CNKSR2: variants seen among roughly 807,000 people sequenced by gnomAD.
CNKSR2 encodes the protein CNK homolog protein 2.
CNKSR2 carries 14 observed loss-of-function variants against 84.4 expected under a neutral mutation model. The observed-to-expected ratio is 0.17, with a 90% CI of 0.11 to 0.26. The LOEUF is 0.26. Ranked by LOEUF, CNKSR2 falls within the 10% of genes least tolerant of loss-of-function variation. CNKSR2 has a pLI of 1.00. For synonymous variants in CNKSR2, 275 were observed against 277.9 expected (o/e 0.99, Z 0.10); for missense variants, 485 against 771.2 (o/e 0.63, Z 4.40).
intron 13 of CNKSR2, among the ~76,000 whole-genome samples, chrX:21,566,122 A>G (rs1569245826): frequency 9.0e-6 from 1 of 111,645 alleles, no homozygotes; most frequent in Non-Finnish European, 1.9e-5. Flanking sequence ...GACTTGAAAA[A>G]ACATGTGGCC....
At chrX:21,414,643 G>A (rs980933276) in intron 1 of CNKSR2, among the ~76,000 whole-genome samples, 13 of 111,717 alleles carry the variant, frequency 1.2e-4, no homozygotes, top group African/African-American at 4.2e-4. Context: ...GCCAAGACCA[G>A]TGTCCTGGAG....
intron 11 of CNKSR2, among the ~76,000 whole-genome samples, chrX:21,551,131 C>T (rs926018569): frequency 2.7e-5 from 3 of 110,651 alleles, no homozygotes; most frequent in Non-Finnish European, 3.8e-5. Context: ...AACCAAACAC[C>T]GCAGGTTCTC....
chrX:21,401,936 T>C (rs886341243), intron 1 of CNKSR2, among the ~76,000 whole-genome samples: 1 of 111,467 alleles, frequency 9.0e-6, no homozygotes, highest in African/African-American at 3.2e-5. Flanking sequence ...ATTTTAAAGA[T>C]GAAACAGATT....
At chrX:21,377,246 TTGAGA>T (rs1251292445) in intron 1 of CNKSR2, among the ~76,000 whole-genome samples, 1 of 112,101 alleles carries the variant, frequency 8.9e-6, no homozygotes, top group Non-Finnish European at 1.9e-5. Context: ...TATATTTGAT[TTGAGA>T]TATTATCAGA....
intron 4 of CNKSR2, among the ~76,000 whole-genome samples, chrX:21,464,571 G>A (rs2091102821): frequency 9.0e-6 from 1 of 111,305 alleles, no homozygotes; most frequent in Non-Finnish European, 1.9e-5. Context: ...ACAACTTTGC[G>A]GAGATTCCCA....
intron 13 of CNKSR2, among the ~76,000 whole-genome samples, chrX:21,575,883 A>G (rs2092316261): frequency 8.9e-6 from 1 of 112,436 alleles, no homozygotes; most frequent in Non-Finnish European, 1.9e-5. Flanking sequence ...TCAATTCACT[A>G]AGAAGACATG....
intron 3 of CNKSR2, among the ~76,000 whole-genome samples, chrX:21,438,818 T>G: frequency 9.0e-6 from 1 of 111,294 alleles, no homozygotes. Flanking sequence ...TATGTGAATA[T>G]TCATATTGAT....
chrX:21,630,451 T>C (rs1455786772), intron 20 of CNKSR2, among the ~76,000 whole-genome samples: 1 of 111,841 alleles, frequency 8.9e-6, no homozygotes, highest in African/African-American at 3.2e-5. Flanking sequence ...CTTTACGTAA[T>C]ATAAGTCATT....
intron 11 of CNKSR2, among the ~76,000 whole-genome samples, chrX:21,551,416 T>C (rs2092090926): frequency 8.9e-6 from 1 of 112,308 alleles, no homozygotes; most frequent in South Asian, 3.7e-4. Context: ...GGTATTCATA[T>C]GTAGATAAAA....
intron 2 of CNKSR2, chrX:21,427,479 A>G (rs1377088454): frequency 9.0e-6 from 1 of 111,450 alleles, no homozygotes; most frequent in Non-Finnish European, 1.9e-5. Context: ...TCTACATACC[A>G]TTATGAAATC....
intron 9 of CNKSR2, 49 bp from the exon 10 acceptor site, chrX:21,526,816 GTT>G: frequency 1.0e-6 from 1 of 972,210 alleles, no homozygotes. Flanking sequence ...TGTTGTTGTT[GTT>G]TTGTGTGTTG....
chrX:21,374,577 C>T lies in CNKSR2; in HGVS notation c.-321C>T. On this transcript the variant is annotated 5_prime_UTR_variant, in exon 1 of 22. Coordinates refer to ENST00000379510, the MANE Select transcript of CNKSR2 (RefSeq NM_014927.5). ...ACTGAAGCTCCCTAGGGACGGAGAC[C>T]GGAGCGGAGCGGCGGAGGCAGCAGC... The T allele has an allele frequency of 8.4e-6, 4 of 477,388 alleles. No individual in the cohort carries two copies. The highest frequency in any genetic ancestry group is 2.9e-5 in the Admixed American group (1 of 34,896). The allele number at this position is 477,388 out of a possible 1,213,427, so 39.3% of individuals were successfully genotyped here.
intron 20 of CNKSR2, chrX:21,642,761 C>G (rs1401142272): frequency 2.8e-6 from 2 of 703,486 alleles, no homozygotes; most frequent in African/African-American, 4.7e-5. Flanking sequence ...AAATAATTTG[C>G]TAAGTATGCC....
At chrX:21,567,988 A>G (rs1445983805) in intron 13 of CNKSR2, among the ~76,000 whole-genome samples, 1 of 112,157 alleles carries the variant, frequency 8.9e-6, no homozygotes, top group Non-Finnish European at 1.9e-5. Context: ...CTAAATTCAT[A>G]TACAAAATAA....
At chrX:21,643,056 G>GT (rs767371446) in intron 20 of CNKSR2, 115 of 107,397 alleles carry the variant, frequency 1.1e-3, no homozygotes, top group East Asian at 8.7e-3. Flanking sequence ...AGAATTTGGT[G>GT]TTTTTTTTTT....
intron 1 of CNKSR2, among the ~76,000 whole-genome samples, chrX:21,384,036 T>C (rs1165449086): frequency 1.8e-5 from 2 of 111,983 alleles, no homozygotes; most frequent in Non-Finnish European, 3.8e-5. Flanking sequence ...TTTCAGAAAA[T>C]TGATATTTTA....
intron 20 of CNKSR2, among the ~76,000 whole-genome samples, chrX:21,628,221 C>T (rs939912806): frequency 4.5e-5 from 5 of 112,138 alleles, no homozygotes; most frequent in Non-Finnish European, 9.4e-5. Context: ...TTTCCATGGT[C>T]TTGGGCAGCT....
chrX:21,389,080 G>A (rs951999259), intron 1 of CNKSR2, among the ~76,000 whole-genome samples: 1 of 107,493 alleles, frequency 9.3e-6, no homozygotes, highest in African/African-American at 3.4e-5. Context: ...TGAGAAAAAC[G>A]TAAGAAAAGC....
At chrX:21,633,208 C>T (rs964968788) in intron 20 of CNKSR2, among the ~76,000 whole-genome samples, 3 of 111,216 alleles carry the variant, frequency 2.7e-5, no homozygotes, top group African/African-American at 9.8e-5. Flanking sequence ...CAAATTCACC[C>T]CTTGATTTGC....
Sources: gnomAD v4.1 joint callset for allele counts (sites outside exome capture counted in the v4.1 genomes callset) on GRCh38, gnomAD v4.1.1 for gene constraint, MANE v1.5 for transcripts, NCBI Gene and HGNC (gene_info 2026-07-23, HGNC 2026-07-21) for gene names.